The following NCKAP5 variants were observed in gnomAD, a reference collection of about 807,000 sequenced individuals.
NCKAP5 encodes the protein NCK associated protein 5, also known as nck-associated protein 5.
A neutral mutation model predicts 167.0 loss-of-function variants in NCKAP5; 92 were observed. The observed-to-expected ratio is 0.55, with a 90% CI of 0.47 to 0.66. The LOEUF is 0.66. Ranked by LOEUF, NCKAP5 falls within the 30% of genes least tolerant of loss-of-function variation. The pLI is 0.00. For missense variants in NCKAP5, 2,378 were observed against 2,315.0 expected, an observed-to-expected ratio of 1.03 and a Z score of -0.56; for synonymous variants, 891 against 877.4, an observed-to-expected ratio of 1.02 and a Z score of -0.27.
intron 6 of NCKAP5, among the ~76,000 whole-genome samples, chr2:133,016,650 A>T (rs190061684): frequency 3.2e-4 from 49 of 152,326 alleles, no homozygotes; most frequent in African/African-American, 1.0e-3. Flanking sequence ...CCAAGTCTGG[A>T]CATGTTCCTA....
intron 16 of NCKAP5, among the ~76,000 whole-genome samples, chr2:132,748,429 A>G (rs1002479875): frequency 3.3e-5 from 5 of 152,236 alleles, no homozygotes; most frequent in Admixed American, 1.3e-4. Context: ...AATGTCTGCT[A>G]CATTCTTTCT....
chr2:133,012,671 T>G (rs892302898), intron 6 of NCKAP5, among the ~76,000 whole-genome samples: 1 of 152,160 alleles, frequency 6.6e-6, no homozygotes, highest in African/African-American at 2.4e-5. Context: ...CATGACTGCC[T>G]TCTCCAGAGT....
chr2:133,240,035 T>C (rs565388604), intron 4 of NCKAP5, among the ~76,000 whole-genome samples: 1 of 152,310 alleles, frequency 6.6e-6, no homozygotes, highest in East Asian at 1.9e-4. Context: ...CAGCTAGTCT[T>C]ACATTAGCCA....
In NCKAP5 at chr2:133,488,150, G is replaced by A. The variant is rs570188957; in HGVS notation, c.69+29308C>T. Among the ~76,000 whole-genome samples the A allele has an allele frequency of 2.6e-5, 4 of 152,320 alleles. No homozygotes were observed. In the East Asian group the frequency reaches 5.8e-4, roughly 22 times the overall value. On this transcript the variant is annotated intron_variant, in intron 3 of 19. Coordinates refer to ENST00000409261, the MANE Select transcript of NCKAP5 (RefSeq NM_207363.3). ...TGTCAAAGTGCATAGCACAGATTAAGTGCTTAATATACATATTATCTATTA... is the reference window on the plus strand; with the variant it reads ...TGTCAAAGTGCATAGCACAGATTAAATGCTTAATATACATATTATCTATTA...
Position 132,784,646 on chromosome 2 carries a change from G to C in NCKAP5, c.2165C>G (p.Pro722Arg). 1 of 1,613,766 alleles carries C rather than the reference G, an allele frequency of 6.2e-7. No individual in the cohort carries two copies. The highest frequency in any genetic ancestry group is 1.1e-5 in the South Asian group (1 of 91,038). The change falls in exon 14 of 20, where the codon CCA becomes CGA. Residue 722 changes from proline (P) to arginine (R), a missense_variant. By Grantham distance (103) the Pro-to-Arg change is moderately radical. Transcript: ENST00000409261. Reference protein sequence around the residue: ...LLPQGIACLQPRAAARDYTFF... With the variant: ...LLPQGIACLQRRAAARDYTFF... The stretch of plus-strand genomic sequence containing the variant: ...AGTATAGTCTCTTGCAGCAGCTCTT[G>C]GCTGTAAACAAGCAATTCCCTGAGG...
At chr2:133,257,901 C>G (rs1333008745) in intron 4 of NCKAP5, among the ~76,000 whole-genome samples, 1 of 152,168 alleles carries the variant, frequency 6.6e-6, no homozygotes, top group Non-Finnish European at 1.5e-5. Context: ...AGCAGAAGTG[C>G]ACCTGGGCCA....
chr2:132,674,130 A>G (rs1247685316), intron 19 of NCKAP5, among the ~76,000 whole-genome samples: 2 of 152,204 alleles, frequency 1.3e-5, no homozygotes, highest in African/African-American at 4.8e-5. Context: ...AGACATGTAA[A>G]AGTGTCTACA....
chr2:133,137,830 C>G (rs534392874), intron 5 of NCKAP5, among the ~76,000 whole-genome samples: 1 of 152,312 alleles, frequency 6.6e-6, no homozygotes, highest in Non-Finnish European at 1.5e-5. Context: ...AATTTTACTT[C>G]CGCGCAGAGG....
At chr2:133,383,625 C>A (rs1421047595) in intron 3 of NCKAP5, among the ~76,000 whole-genome samples, 1 of 152,156 alleles carries the variant, frequency 6.6e-6, no homozygotes, top group African/African-American at 2.4e-5. Context: ...TTCTAGAACC[C>A]TGAGGAATTG....
At chr2:133,283,051 A>G (rs915477403) in intron 4 of NCKAP5, among the ~76,000 whole-genome samples, 4 of 152,232 alleles carry the variant, frequency 2.6e-5, no homozygotes, top group Non-Finnish European at 5.9e-5. Context: ...AACATAAATC[A>G]GAATGAAGTA....
intron 6 of NCKAP5, among the ~76,000 whole-genome samples, chr2:133,061,219 T>A (rs192753255): frequency 1.2e-3 from 186 of 152,334 alleles, no homozygotes; most frequent in Middle Eastern, 6.8e-3. Context: ...ATAAACTTAG[T>A]TGATAAAGCA....
intron 6 of NCKAP5, among the ~76,000 whole-genome samples, chr2:133,006,203 G>A (rs115700413): frequency 0.024 from 3,632 of 152,156 alleles, 72 homozygotes; most frequent in Non-Finnish European, 0.034. Flanking sequence ...AGGTTGCAGT[G>A]AGCCGAGATT....
chr2:133,131,888 T>C (rs1269870421), intron 5 of NCKAP5, among the ~76,000 whole-genome samples: 1 of 152,080 alleles, frequency 6.6e-6, no homozygotes, highest in East Asian at 1.9e-4. Context: ...TTTTATTGAC[T>C]GATTAGACTA....
intron 6 of NCKAP5, among the ~76,000 whole-genome samples, chr2:133,099,993 G>C (rs1480957893): frequency 6.6e-6 from 1 of 152,204 alleles, no homozygotes; most frequent in Non-Finnish European, 1.5e-5. Flanking sequence ...TTTTACAGGA[G>C]TCTGTGGACG....
intron 4 of NCKAP5, among the ~76,000 whole-genome samples, chr2:133,224,530 T>C (rs940783327): frequency 6.6e-6 from 1 of 152,226 alleles, no homozygotes; most frequent in Non-Finnish European, 1.5e-5. Context: ...CCATATAATA[T>C]TGGTAGTAAA....
intron 4 of NCKAP5, among the ~76,000 whole-genome samples, chr2:133,219,901 G>T (rs558952250): frequency 2.0e-5 from 3 of 152,088 alleles, no homozygotes; most frequent in East Asian, 3.9e-4. Context: ...AAAATAAATG[G>T]CCCTGTCTTT....
intron 8 of NCKAP5, among the ~76,000 whole-genome samples, chr2:132,939,304 C>T (rs1697101227): frequency 1.3e-5 from 2 of 152,152 alleles, no homozygotes. Context: ...CAGATAACTA[C>T]AACTATTACA....
chr2:133,054,017 A>G (rs1416482011), intron 6 of NCKAP5, among the ~76,000 whole-genome samples: 2 of 152,228 alleles, frequency 1.3e-5, no homozygotes, highest in Non-Finnish European at 2.9e-5. Context: ...TGTATGATGG[A>G]TGAAGCCAGC....
intron 8 of NCKAP5, among the ~76,000 whole-genome samples, chr2:132,929,180 G>A (rs73956082): frequency 0.015 from 2,226 of 152,084 alleles, 54 homozygotes; most frequent in African/African-American, 0.051. Flanking sequence ...CTGCCAGCAC[G>A]TTGATTTTGG....
Sources: gnomAD v4.1 joint callset for allele counts (sites outside exome capture counted in the v4.1 genomes callset) on GRCh38, gnomAD v4.1.1 for gene constraint, MANE v1.5 for transcripts, NCBI Gene and HGNC (gene_info 2026-07-23, HGNC 2026-07-21) for gene names.